Variants in ANKS1B observed in about 807,000 individuals in gnomAD.
ANKS1B encodes ankyrin repeat and sterile alpha motif domain containing 1B, also known as ankyrin repeat and sterile alpha motif domain-containing protein 1B.
Under a neutral mutation model 148.3 loss-of-function variants are expected in ANKS1B, and 36 were observed. That is an observed-to-expected ratio of 0.24 (90% CI 0.19 to 0.32). The LOEUF is 0.32. Ranked by LOEUF, ANKS1B falls within the 10% of genes least tolerant of loss-of-function variation. The pLI is 1.00. For missense variants in ANKS1B, 1,157 were observed against 1,542.6 expected, an observed-to-expected ratio of 0.75 and a Z score of 4.19; for synonymous variants, 542 against 560.8, an observed-to-expected ratio of 0.97 and a Z score of 0.47.
chr12:99,774,466 A>ATTCT (rs2063472744), intron 7 of ANKS1B, among the ~76,000 whole-genome samples: 1 of 152,112 alleles, frequency 6.6e-6, no homozygotes, highest in South Asian at 2.1e-4. Context: ...GGCTATTCTC[A>ATTCT]AAAAGACAAA....
chr12:99,886,488 G>A (rs748430290), intron 1 of ANKS1B, among the ~76,000 whole-genome samples: 2 of 151,906 alleles, frequency 1.3e-5, no homozygotes, highest in African/African-American at 4.8e-5. Context: ...TATATGTATA[G>A]ACACATGTAT....
At chr12:99,058,883 G>A (rs1396307064) in intron 16 of ANKS1B, among the ~76,000 whole-genome samples, 2 of 150,496 alleles carry the variant, frequency 1.3e-5, no homozygotes, top group Non-Finnish European at 3.0e-5. Flanking sequence ...GACTACAGGC[G>A]CCCGCTACCA....
chr12:99,465,011 T>C (rs1214840478), intron 10 of ANKS1B, among the ~76,000 whole-genome samples: 1 of 151,942 alleles, frequency 6.6e-6, no homozygotes, highest in Non-Finnish European at 1.5e-5. Context: ...AAAGTTGAAA[T>C]GAAGGAAAAA....
At chr12:99,320,587 A>G (rs1192938613) in intron 12 of ANKS1B, among the ~76,000 whole-genome samples, 1 of 152,078 alleles carries the variant, frequency 6.6e-6, no homozygotes, top group Non-Finnish European at 1.5e-5. Flanking sequence ...CTAGTTAGCC[A>G]TTCGTCTAAT....
intron 19 of ANKS1B, among the ~76,000 whole-genome samples, chr12:98,810,893 G>C (rs2099090070): frequency 6.6e-6 from 1 of 152,198 alleles, no homozygotes; most frequent in African/African-American, 2.4e-5. Context: ...AAAAGCCCGG[G>C]GTGGATAAGA....
At chr12:99,607,376 CTTTT>C (rs75655319) in intron 9 of ANKS1B, among the ~76,000 whole-genome samples, 1 of 146,222 alleles carries the variant, frequency 6.8e-6, no homozygotes, top group Non-Finnish European at 1.5e-5. Context: ...GTAGTTTTTC[CTTTT>C]TTTTTTTCCC....
At chr12:99,644,965 G>A (rs1263526438) in intron 9 of ANKS1B, among the ~76,000 whole-genome samples, 1 of 151,948 alleles carries the variant, frequency 6.6e-6, no homozygotes, top group Non-Finnish European at 1.5e-5. Context: ...CTCTTACAAA[G>A]ACCACTGTGA....
chr12:98,942,805 C>A (rs544056640), intron 17 of ANKS1B, among the ~76,000 whole-genome samples: 3 of 152,158 alleles, frequency 2.0e-5, no homozygotes, highest in Non-Finnish European at 4.4e-5. Context: ...AAATATAAGT[C>A]GGTGTCAGAA....
At chr12:98,806,352 T>A (rs1272024021) in intron 20 of ANKS1B, among the ~76,000 whole-genome samples, 3 of 152,226 alleles carry the variant, frequency 2.0e-5, no homozygotes, top group Non-Finnish European at 4.4e-5. Flanking sequence ...ATAGAACCTT[T>A]AAAATCTTTT....
chr12:99,736,257 C>T (rs553390059), intron 8 of ANKS1B, among the ~76,000 whole-genome samples: 2 of 151,968 alleles, frequency 1.3e-5, no homozygotes, highest in South Asian at 4.2e-4. Context: ...CCAGAGCAAT[C>T]GGGCAAGAGA....
intron 17 of ANKS1B, among the ~76,000 whole-genome samples, chr12:99,044,827 C>G (rs2099961274): frequency 6.6e-6 from 1 of 152,170 alleles, no homozygotes; most frequent in Non-Finnish European, 1.5e-5. Flanking sequence ...ATGAAGCCAG[C>G]AGGGCAGGTA....
chr12:99,225,077 A>G (rs1408142305), intron 14 of ANKS1B, among the ~76,000 whole-genome samples: 1 of 152,184 alleles, frequency 6.6e-6, no homozygotes, highest in Non-Finnish European at 1.5e-5. Flanking sequence ...TCCCAGTAGA[A>G]AAGTCTTTAC....
intron 17 of ANKS1B, among the ~76,000 whole-genome samples, chr12:98,979,642 G>T (rs2099906093): frequency 6.7e-6 from 1 of 149,460 alleles, no homozygotes; most frequent in Non-Finnish European, 1.5e-5. Flanking sequence ...TTTGTGAAGT[G>T]TCTTTTTTCT....
At chr12:99,201,940 C>A (rs2082116481) in intron 14 of ANKS1B, among the ~76,000 whole-genome samples, 1 of 152,058 alleles carries the variant, frequency 6.6e-6, no homozygotes, top group Non-Finnish European at 1.5e-5. Flanking sequence ...TTCATTCATT[C>A]ATTCATTTAT....
At chr12:99,348,569 C>T (rs980768736) in intron 12 of ANKS1B, among the ~76,000 whole-genome samples, 1 of 151,822 alleles carries the variant, frequency 6.6e-6, no homozygotes, top group African/African-American at 2.4e-5. Flanking sequence ...AGTAACTCAT[C>T]AGGTACAAGT....
At chr12:99,860,597 G>C (rs1473207394) in intron 1 of ANKS1B, among the ~76,000 whole-genome samples, 2 of 152,196 alleles carry the variant, frequency 1.3e-5, no homozygotes, top group Non-Finnish European at 2.9e-5. Context: ...TGTGAGACTA[G>C]AGATTAGTAC....
intron 1 of ANKS1B, among the ~76,000 whole-genome samples, chr12:99,880,092 T>C (rs1386121777): frequency 2.0e-5 from 3 of 152,182 alleles, no homozygotes; most frequent in Non-Finnish European, 4.4e-5. Flanking sequence ...TGAAAAAATG[T>C]AGAGTGATGA....
intron 8 of ANKS1B, among the ~76,000 whole-genome samples, chr12:99,727,479 G>A (rs527849795): frequency 1.3e-5 from 2 of 152,056 alleles, no homozygotes; most frequent in Admixed American, 6.6e-5. Context: ...ACTGCTCAAG[G>A]AAATCAGAGA....
At chr12:99,050,882 T>G (rs957841473) in intron 17 of ANKS1B, among the ~76,000 whole-genome samples, 1 of 151,328 alleles carries the variant, frequency 6.6e-6, no homozygotes, top group Non-Finnish European at 1.5e-5. Flanking sequence ...GTATTTTTCA[T>G]AGAGGCAGGG....
Sources: allele counts gnomAD v4.1 joint callset (sites outside exome capture counted in the v4.1 genomes callset), GRCh38; gene constraint gnomAD v4.1.1; transcripts MANE v1.5; gene names NCBI Gene and HGNC (gene_info 2026-07-23, HGNC 2026-07-21).